MYRIP: variants seen among roughly 807,000 people sequenced by gnomAD.
The protein encoded by MYRIP is myosin VIIA and Rab interacting protein, also known as rab effector MyRIP.
A neutral mutation model predicts 98.0 loss-of-function variants in MYRIP; 49 were observed. The observed-to-expected ratio is 0.50, with a 90% CI of 0.40 to 0.63. The LOEUF is 0.63. Ranked by LOEUF, MYRIP falls within the 30% of genes least tolerant of loss-of-function variation. MYRIP has a pLI of 0.00. For missense variants in MYRIP, 1,004 were observed against 1,058.2 expected, an observed-to-expected ratio of 0.95 and a Z score of 0.71; for synonymous variants, 404 against 409.5, an observed-to-expected ratio of 0.99 and a Z score of 0.16.
chr3:39,851,995 G>A (rs1283811555), intron 1 of MYRIP, among the ~76,000 whole-genome samples: 1 of 152,118 alleles, frequency 6.6e-6, no homozygotes, highest in Non-Finnish European at 1.5e-5. Context: ...GGGCTAGAGT[G>A]CCCCTGCAGC....
At chr3:40,081,941 A>G (rs1308421216) in intron 3 of MYRIP, among the ~76,000 whole-genome samples, 1 of 152,070 alleles carries the variant, frequency 6.6e-6, no homozygotes, top group Admixed American at 6.6e-5. Context: ...TTCTGTGCTG[A>G]CTTCTTTCAC....
At chr3:40,121,951 A>G (rs1040927187) in intron 3 of MYRIP, among the ~76,000 whole-genome samples, 1 of 152,218 alleles carries the variant, frequency 6.6e-6, no homozygotes, top group African/African-American at 2.4e-5. Flanking sequence ...GAATATTAAA[A>G]TGTCTGAAAA....
chr3:40,068,435 G>A (rs1402791974), intron 3 of MYRIP, among the ~76,000 whole-genome samples: 1 of 152,130 alleles, frequency 6.6e-6, no homozygotes, highest in Admixed American at 6.5e-5. Context: ...TCTTGAGATG[G>A]TTGAGGATAT....
intron 1 of MYRIP, among the ~76,000 whole-genome samples, chr3:39,850,058 T>G: frequency 6.6e-6 from 1 of 152,032 alleles, no homozygotes; most frequent in Middle Eastern, 3.4e-3. Context: ...CTTCCTAGAG[T>G]AGGGTGTCAG....
chr3:40,045,791 A>G (rs1250315289), intron 3 of MYRIP, among the ~76,000 whole-genome samples: 1 of 152,100 alleles, frequency 6.6e-6, no homozygotes, highest in East Asian at 1.9e-4. Flanking sequence ...GACAGGTCAG[A>G]GGGTAACTGA....
intron 7 of MYRIP, 101 bp downstream of exon 7, chr3:40,167,340 C>CAGAAGATACAG: frequency 1.9e-6 from 2 of 1,028,830 alleles, no homozygotes; most frequent in Non-Finnish European, 2.9e-6. Context: ...GTCTCTAGCA[C>CAGAAGATACAG]TGTATCTTCT....
intron 1 of MYRIP, among the ~76,000 whole-genome samples, chr3:39,857,346 CA>C (rs1269451357): frequency 6.6e-6 from 1 of 151,434 alleles, no homozygotes; most frequent in Non-Finnish European, 1.5e-5. Context: ...TAGTGAATGA[CA>C]AAAAAAGACA....
At chr3:39,883,488 C>A (rs1368953705) in intron 1 of MYRIP, among the ~76,000 whole-genome samples, 1 of 151,846 alleles carries the variant, frequency 6.6e-6, no homozygotes, top group African/African-American at 2.4e-5. Context: ...TTATCAGACA[C>A]AGATTTAAAA....
chr3:40,064,855 AGTGT>A (rs1158618484), intron 3 of MYRIP, among the ~76,000 whole-genome samples: 1 of 152,168 alleles, frequency 6.6e-6, no homozygotes, highest in Non-Finnish European at 1.5e-5. Context: ...GGGAAACCAT[AGTGT>A]GTGTGTCAAA....
At chr3:39,813,639 G>A (rs1442380252) in intron 1 of MYRIP, among the ~76,000 whole-genome samples, 1 of 152,200 alleles carries the variant, frequency 6.6e-6, no homozygotes, top group Non-Finnish European at 1.5e-5. Flanking sequence ...TTCTGCAGTG[G>A]CCGGAGGTGG....
chr3:40,110,508 T>G (rs1949136201), intron 3 of MYRIP, among the ~76,000 whole-genome samples: 1 of 152,170 alleles, frequency 6.6e-6, no homozygotes, highest in African/African-American at 2.4e-5. Flanking sequence ...CACTTAAAGT[T>G]GGAGAGGAAT....
chr3:39,900,978 C>A, intron 2 of MYRIP, 52 bp downstream of exon 2: 1 of 1,388,988 alleles, frequency 7.2e-7, no homozygotes, highest in Non-Finnish European at 1.0e-6. Flanking sequence ...TGTGGACAAG[C>A]GTAACAGGTT....
intron 3 of MYRIP, among the ~76,000 whole-genome samples, chr3:40,122,803 G>T (rs1949432111): frequency 6.6e-6 from 1 of 151,990 alleles, no homozygotes; most frequent in Non-Finnish European, 1.5e-5. Context: ...AAATGTGGCA[G>T]GCCCTATGCT....
At chr3:39,991,914 T>C (rs1946189941) in intron 2 of MYRIP, among the ~76,000 whole-genome samples, 3 of 152,202 alleles carry the variant, frequency 2.0e-5, no homozygotes, top group African/African-American at 7.2e-5. Flanking sequence ...GTTCCTAGAA[T>C]AGTGCATAGT....
At chr3:40,144,693 G>A (rs1318813748) in intron 3 of MYRIP, among the ~76,000 whole-genome samples, 1 of 152,142 alleles carries the variant, frequency 6.6e-6, no homozygotes, top group Non-Finnish European at 1.5e-5. Flanking sequence ...TAGAAGCAAG[G>A]CTTTCTGTAT....
intron 1 of MYRIP, among the ~76,000 whole-genome samples, chr3:39,852,996 G>A (rs1200947538): frequency 1.3e-5 from 2 of 152,184 alleles, no homozygotes; most frequent in African/African-American, 2.4e-5. Context: ...TGGTCAGGGT[G>A]ATCTCGAACT....
chr3:40,084,989 T>C (rs1379133761), intron 3 of MYRIP, among the ~76,000 whole-genome samples: 4 of 150,900 alleles, frequency 2.7e-5, no homozygotes, highest in African/African-American at 9.7e-5. Context: ...ATATCGATAA[T>C]ATATATCTGT....
intron 3 of MYRIP, among the ~76,000 whole-genome samples, chr3:40,134,194 G>A (rs1215421958): frequency 2.6e-5 from 4 of 152,214 alleles, no homozygotes; most frequent in East Asian, 1.9e-4. Context: ...CCTAATATGC[G>A]CTCTTCCAAC....
intron 1 of MYRIP, among the ~76,000 whole-genome samples, chr3:39,893,288 A>G (rs931215621): frequency 1.3e-5 from 2 of 152,050 alleles, no homozygotes; most frequent in Admixed American, 6.6e-5. Flanking sequence ...CTTTAAATAT[A>G]ATTTTCTTTC....
Sources: allele counts gnomAD v4.1 joint callset (sites outside exome capture counted in the v4.1 genomes callset), GRCh38; gene constraint gnomAD v4.1.1; transcripts MANE v1.5; gene names NCBI Gene and HGNC (gene_info 2026-07-23, HGNC 2026-07-21).